The following BAZ2B variants were observed in gnomAD, a reference collection of about 807,000 sequenced individuals.
BAZ2B encodes bromodomain adjacent to zinc finger domain protein 2B.
BAZ2B carries 91 observed loss-of-function variants against 246.0 expected under a neutral mutation model. The observed-to-expected ratio is 0.37, with a 90% confidence interval of 0.31 to 0.44. The LOEUF (loss-of-function observed/expected upper bound fraction) is 0.44. Ranked by LOEUF, BAZ2B falls within the 20% of genes least tolerant of loss-of-function variation. The pLI is 1.00. For missense variants in BAZ2B, 2,332 were observed against 2,533.7 expected (o/e 0.92, Z 1.71); for synonymous variants, 855 against 860.0 (o/e 0.99, Z 0.10).
chr2:159,347,413 A>G, intron 31 of BAZ2B, 73 bp downstream of exon 31: 3 of 1,442,626 alleles, frequency 2.1e-6, no homozygotes, highest in Non-Finnish European at 2.9e-6. Flanking sequence ...TAACTAGCAT[A>G]TATTAGGCAA....
chr2:159,393,273 T>TTTTGAAAAGATC (rs2063568578), intron 20 of BAZ2B, among the ~76,000 whole-genome samples: 1 of 152,180 alleles, frequency 6.6e-6, no homozygotes, highest in South Asian at 2.1e-4. Flanking sequence ...TCTGGTTTAC[T>TTTTGAAAAGATC]TTTTGAAAAG....
At chr2:159,487,162 G>A (rs2079930807) in intron 2 of BAZ2B, among the ~76,000 whole-genome samples, 1 of 152,038 alleles carries the variant, frequency 6.6e-6, no homozygotes, top group South Asian at 2.1e-4. Context: ...ATTTCTAAAG[G>A]TTTGTTATTG....
At chr2:159,390,329 TA>T (rs2149593704) in intron 20 of BAZ2B, among the ~76,000 whole-genome samples, 1 of 152,240 alleles carries the variant, frequency 6.6e-6, no homozygotes, top group South Asian at 2.1e-4. Flanking sequence ...TTACCTCTCA[TA>T]TTTTTTTCTG....
At chr2:159,558,091 A>G (rs1316088752) in intron 1 of BAZ2B, among the ~76,000 whole-genome samples, 1 of 152,170 alleles carries the variant, frequency 6.6e-6, no homozygotes, top group Non-Finnish European at 1.5e-5. Flanking sequence ...AGGAACAAGG[A>G]TAGCAAAAAA....
chr2:159,343,803 G>A (rs1029940321), intron 31 of BAZ2B, among the ~76,000 whole-genome samples: 4 of 151,954 alleles, frequency 2.6e-5, no homozygotes, highest in African/African-American at 4.8e-5. Flanking sequence ...GAGGCGGGCA[G>A]ATCACAAGGT....
At chr2:159,657,434 G>A in the BAZ2B span, among the ~76,000 whole-genome samples, 3 of 152,040 alleles carry the variant, frequency 2.0e-5, no homozygotes, top group Admixed American at 6.6e-5. Flanking sequence ...ATATCGTCTT[G>A]GCTTTTCTGC....
chr2:159,676,051 G>A, the BAZ2B span, among the ~76,000 whole-genome samples: 305 of 152,068 alleles, frequency 2.0e-3, 2 homozygotes, highest in Non-Finnish European at 3.5e-3. Flanking sequence ...ACCTACCACC[G>A]CACCCGGCTA....
chr2:159,577,154 G>A (rs1461681616), intron 1 of BAZ2B, among the ~76,000 whole-genome samples: 1 of 152,088 alleles, frequency 6.6e-6, no homozygotes, highest in East Asian at 1.9e-4. Flanking sequence ...CTTGAGCCCA[G>A]GGGGTCAAGG....
At chr2:159,593,596 G>A (rs1381952317) in intron 1 of BAZ2B, among the ~76,000 whole-genome samples, 10 of 152,178 alleles carry the variant, frequency 6.6e-5, no homozygotes, top group Admixed American at 1.3e-4. Flanking sequence ...CAATTCACAA[G>A]TTTTAAATTG....
At chr2:159,690,142 A>T in the BAZ2B span, 1 of 485,704 alleles carries the variant, frequency 2.1e-6, no homozygotes, top group Non-Finnish European at 3.7e-6. Context: ...TCTTGAGGCC[A>T]TCAGATGCAG....
chr2:159,660,834 G>C, the BAZ2B span, among the ~76,000 whole-genome samples: 1 of 152,104 alleles, frequency 6.6e-6, no homozygotes, highest in Non-Finnish European at 1.5e-5. Context: ...CTGACCTCAA[G>C]TAATCCACCC....
chr2:159,444,125 A>G (rs754412978), intron 6 of BAZ2B: 26 of 152,176 alleles, frequency 1.7e-4, no homozygotes, highest in Non-Finnish European at 3.2e-4. Context: ...CATCAGAGAA[A>G]CTGGCAGTAG....
At chr2:159,498,700 T>A (rs964704857) in intron 2 of BAZ2B, among the ~76,000 whole-genome samples, 3 of 152,182 alleles carry the variant, frequency 2.0e-5, no homozygotes, top group African/African-American at 7.2e-5. Flanking sequence ...AAGTTATTAT[T>A]ATAATTCCCC....
At chr2:159,430,837 GAAT>G in intron 10 of BAZ2B, 23 bp downstream of exon 10, 1 of 1,589,426 alleles carries the variant, frequency 6.3e-7, no homozygotes, top group Non-Finnish European at 8.5e-7. Flanking sequence ...TTCTACTTTA[GAAT>G]AATAAAAATA....
At chr2:159,707,775 G>A in the BAZ2B span, among the ~76,000 whole-genome samples, 7 of 152,038 alleles carry the variant, frequency 4.6e-5, no homozygotes, top group African/African-American at 9.6e-5. Context: ...TGCAGTTAGC[G>A]GAGATCACAC....
At chr2:159,467,118 T>C (rs545173710) in intron 3 of BAZ2B, among the ~76,000 whole-genome samples, 249 of 152,262 alleles carry the variant, frequency 1.6e-3, no homozygotes, top group Non-Finnish European at 2.9e-3. Context: ...ATGTTTTGTA[T>C]CTAAGAAGTA....
chr2:159,430,271 G>T (rs902177450), intron 10 of BAZ2B, among the ~76,000 whole-genome samples: 1 of 152,170 alleles, frequency 6.6e-6, no homozygotes, highest in Non-Finnish European at 1.5e-5. Flanking sequence ...TCAACATGAA[G>T]ATGAGAATGA....
chr2:159,517,790 T>C (rs868605894), intron 2 of BAZ2B, among the ~76,000 whole-genome samples: 10 of 152,188 alleles, frequency 6.6e-5, no homozygotes, highest in Admixed American at 1.3e-4. Context: ...ATACGTAATA[T>C]GTCATTTCAA....
chr2:159,700,307 G>A, the BAZ2B span, among the ~76,000 whole-genome samples: 1 of 152,120 alleles, frequency 6.6e-6, no homozygotes, highest in Non-Finnish European at 1.5e-5. Flanking sequence ...TGTACTATTT[G>A]CATATGATCT....
Sources: allele counts gnomAD v4.1 joint callset (sites outside exome capture counted in the v4.1 genomes callset), GRCh38; gene constraint gnomAD v4.1.1; transcripts MANE v1.5; gene names NCBI Gene and HGNC (gene_info 2026-07-23, HGNC 2026-07-21).